STXBP5L: variants seen among roughly 807,000 people sequenced by gnomAD.
STXBP5L encodes syntaxin binding protein 5L.
In STXBP5L, 65 loss-of-function variants were observed where a neutral mutation model predicts 144.5. The ratio of observed to expected loss-of-function variants is 0.45; its 90% CI spans 0.37 to 0.55. The LOEUF (loss-of-function observed/expected upper bound fraction) is 0.55, where lower values mean the gene tolerates loss of function less well. Among genes scored for constraint, STXBP5L ranks in the 20% least tolerant of loss-of-function variants. The pLI, the probability that STXBP5L is intolerant of heterozygous loss-of-function variation, is 0.00. For missense variants in STXBP5L, 1,298 were observed against 1,405.5 expected (o/e 0.92, Z 1.22); for synonymous variants, 505 against 469.6 (o/e 1.08, Z -0.97).
At chr3:121,019,756 C>T (rs1023508384) in intron 3 of STXBP5L, among the ~76,000 whole-genome samples, 1 of 152,146 alleles carries the variant, frequency 6.6e-6, no homozygotes, top group African/African-American at 2.4e-5. Flanking sequence ...CTCCATGGGA[C>T]AAAAGAATCT....
chr3:120,992,608 C>T (rs558128468), intron 3 of STXBP5L, among the ~76,000 whole-genome samples: 7 of 152,196 alleles, frequency 4.6e-5, no homozygotes, highest in African/African-American at 1.7e-4. Context: ...CAGTTCTATC[C>T]ATGCTGCTGC....
chr3:121,044,961 A>G (rs1044674121), intron 4 of STXBP5L, among the ~76,000 whole-genome samples: 1 of 152,178 alleles, frequency 6.6e-6, no homozygotes, highest in Non-Finnish European at 1.5e-5. Context: ...TACCAAATAT[A>G]CTTTTTAGGA....
rs557189496 is a variant in STXBP5L at position 120,959,412 on chromosome 3, A to G, written c.287+4375A>G. Among the ~76,000 whole-genome samples, 11 of 152,366 alleles carry G rather than the reference A, an allele frequency of 7.2e-5. No individual in the cohort carries two copies. In the East Asian group the frequency reaches 1.7e-3, roughly 24 times the overall value. On this transcript the variant is annotated intron_variant, in intron 3 of 26. Transcript: ENST00000471454. ...ACTGGAAAAAACTACTTTAAAGTTC[A>G]TATGGAACCAAAAAAGATCCCACAT...
chr3:121,046,766 A>C (rs1947544473), intron 5 of STXBP5L, among the ~76,000 whole-genome samples: 1 of 151,918 alleles, frequency 6.6e-6, no homozygotes, highest in Admixed American at 6.6e-5. Context: ...TTATTAGCCT[A>C]GCTAGTGGTC....
intron 3 of STXBP5L, among the ~76,000 whole-genome samples, chr3:121,028,389 C>CAAGTTATAGAGTTATCAA (rs1946108159): frequency 6.6e-6 from 1 of 151,948 alleles, no homozygotes; most frequent in African/African-American, 2.4e-5. Context: ...TGATCAATGG[C>CAAGTTATAGAGTTATCAA]TGTAAGTTAC....
chr3:120,960,379 T>C (rs1938620038), intron 3 of STXBP5L, among the ~76,000 whole-genome samples: 2 of 152,182 alleles, frequency 1.3e-5, no homozygotes, highest in African/African-American at 2.4e-5. Context: ...GAACTAGAAA[T>C]ACCATTTGAC....
intron 3 of STXBP5L, among the ~76,000 whole-genome samples, chr3:120,982,952 A>C (rs1163558372): frequency 6.6e-6 from 1 of 152,172 alleles, no homozygotes; most frequent in East Asian, 1.9e-4. Flanking sequence ...GCTGGTCCCC[A>C]GTCCTGCAGC....
At chr3:121,336,505 GCCAA>G (rs973345216) in intron 20 of STXBP5L, among the ~76,000 whole-genome samples, 3 of 151,540 alleles carry the variant, frequency 2.0e-5, no homozygotes, top group African/African-American at 4.8e-5. Flanking sequence ...AAAAAAACCA[GCCAA>G]CCAACCAACC....
chr3:121,335,559 G>A (rs751352677), intron 20 of STXBP5L, among the ~76,000 whole-genome samples: 6 of 151,940 alleles, frequency 3.9e-5, no homozygotes, highest in Non-Finnish European at 8.8e-5. Flanking sequence ...TATACTACAG[G>A]GCTACAGTAA....
chr3:121,069,161 C>G (rs1247675894), intron 5 of STXBP5L, among the ~76,000 whole-genome samples: 1 of 152,164 alleles, frequency 6.6e-6, no homozygotes, highest in African/African-American at 2.4e-5. Flanking sequence ...TCATCCCTAT[C>G]TCTCCTATTT....
intron 5 of STXBP5L, among the ~76,000 whole-genome samples, chr3:121,114,432 C>T (rs3914737): frequency 0.5 from 76,434 of 151,928 alleles, 19,611 homozygotes; most frequent in Admixed American, 0.59. Context: ...GCAAATATGA[C>T]CTTTATGTAT....
At chr3:121,006,948 G>T (rs1387500693) in intron 3 of STXBP5L, among the ~76,000 whole-genome samples, 14 of 152,026 alleles carry the variant, frequency 9.2e-5, no homozygotes, top group Non-Finnish European at 1.9e-4. Context: ...TCCCTTTGTG[G>T]GTAACCCGAC....
intron 2 of STXBP5L, among the ~76,000 whole-genome samples, chr3:120,910,166 G>T (rs1708756227): frequency 6.6e-6 from 1 of 152,178 alleles, no homozygotes; most frequent in Non-Finnish European, 1.5e-5. Flanking sequence ...GGATTAAGTA[G>T]ATAATAGGAA....
chr3:121,040,517 T>C (rs1947071218), intron 3 of STXBP5L, among the ~76,000 whole-genome samples: 1 of 152,138 alleles, frequency 6.6e-6, no homozygotes, highest in Admixed American at 6.6e-5. Context: ...CTTTCCTCAG[T>C]CTCAGATAGT....
At chr3:121,262,096 C>T (rs142986415) in intron 18 of STXBP5L, among the ~76,000 whole-genome samples, 27 of 152,202 alleles carry the variant, frequency 1.8e-4, no homozygotes, top group Admixed American at 9.2e-4. Context: ...TTCATAATGG[C>T]GGAATCCTCC....
chr3:121,277,718 G>A (rs991073075), intron 18 of STXBP5L, among the ~76,000 whole-genome samples: 1 of 151,420 alleles, frequency 6.6e-6, no homozygotes, highest in African/African-American at 2.4e-5. Context: ...GTTTTTGGTG[G>A]TATTTTGTGC....
At chr3:121,224,364 C>A (rs2108293927) in intron 11 of STXBP5L, among the ~76,000 whole-genome samples, 1 of 152,156 alleles carries the variant, frequency 6.6e-6, no homozygotes, top group African/African-American at 2.4e-5. Flanking sequence ...AAATAATAAT[C>A]AATGTAGCAC....
chr3:121,350,809 A>T (rs1458267491), intron 20 of STXBP5L, among the ~76,000 whole-genome samples: 3 of 152,094 alleles, frequency 2.0e-5, no homozygotes, highest in Admixed American at 2.0e-4. Flanking sequence ...TTTCAGCTCC[A>T]TCAGGTCCTT....
At chr3:121,341,926 C>T (rs1467556167) in intron 20 of STXBP5L, among the ~76,000 whole-genome samples, 1 of 151,920 alleles carries the variant, frequency 6.6e-6, no homozygotes. Flanking sequence ...CTAGTATTTC[C>T]TAGCACAACA....
Sources: gnomAD v4.1 joint callset for allele counts (sites outside exome capture counted in the v4.1 genomes callset) on GRCh38, gnomAD v4.1.1 for gene constraint, MANE v1.5 for transcripts, NCBI Gene and HGNC (gene_info 2026-07-23, HGNC 2026-07-21) for gene names.